The following AUTS2 variants were observed in gnomAD, a reference collection of about 807,000 sequenced individuals.
AUTS2 encodes the protein autism susceptibility gene 2 protein.
In AUTS2, 17 loss-of-function variants were observed where a neutral mutation model predicts 112.4. That is an observed-to-expected ratio of 0.15 (90% CI 0.10 to 0.23). The LOEUF is 0.23. Among genes scored for constraint, AUTS2 ranks in the 10% least tolerant of loss-of-function variants. AUTS2 has a pLI of 1.00. For synonymous variants in AUTS2, 751 were observed against 702.7 expected, an observed-to-expected ratio of 1.07 and a Z score of -1.09; for missense variants, 1,510 against 1,701.6, an observed-to-expected ratio of 0.89 and a Z score of 1.98.
intron 1 of AUTS2, among the ~76,000 whole-genome samples, chr7:69,686,843 C>T (rs1797085888): frequency 6.6e-6 from 1 of 152,164 alleles, no homozygotes; most frequent in Non-Finnish European, 1.5e-5. Context: ...TTAGGTGGGA[C>T]AGAAGCTCCT....
chr7:69,816,299 C>A (rs1375353639), intron 1 of AUTS2, among the ~76,000 whole-genome samples: 1 of 152,212 alleles, frequency 6.6e-6, no homozygotes, highest in Non-Finnish European at 1.5e-5. Context: ...ATTCCGTTCT[C>A]CCCAGACGGA....
chr7:70,791,633 G>A lies in AUTS2; in HGVS notation c.*637G>A, dbSNP rs1397181009. The A allele has an allele frequency of 1.3e-5, 2 of 152,536 alleles. No individual in the cohort carries two copies. Among genetic ancestry groups the A allele is most frequent in the Non-Finnish European group, 2.9e-5 (2 of 68,040 alleles). 9.4% of individuals were successfully genotyped at this position (152,536 alleles called of 1,614,324 possible). On this transcript the variant is annotated 3_prime_UTR_variant, in exon 19 of 19. Transcript: ENST00000342771. ...ATGTTCGGGCTTTTCACAAAAGCCC[G>A]CCTAACTCAAAGGAGCCTTTTCAAA...
chr7:70,149,758 G>A (rs1019391216), intron 4 of AUTS2, among the ~76,000 whole-genome samples: 7 of 151,924 alleles, frequency 4.6e-5, no homozygotes, highest in African/African-American at 1.7e-4. Context: ...ATGAATATCT[G>A]TTAATTAATT....
chr7:69,910,039 A>G (rs968752838), intron 2 of AUTS2, among the ~76,000 whole-genome samples: 3 of 152,152 alleles, frequency 2.0e-5, no homozygotes, highest in African/African-American at 7.2e-5. Context: ...GTTGCATGGT[A>G]CTTTGTGAAA....
At position 70,306,789 on chromosome 7, in the gene AUTS2, G is replaced by A. The variant is rs190048397; in HGVS notation, c.661-128963G>A. 2.1e-3 allele frequency among the ~76,000 whole-genome samples: 322 copies of A among 152,254 alleles called. 3 individuals carry two copies. Among genetic ancestry groups the A allele is most frequent in the South Asian group, 4.6e-3 (22 of 4,826 alleles). ...GTGCCTGGCCACCAGGTCCGTAATC[G>A]CTGGAGGTTTGATTAGATATTGAGA... On this transcript the variant is annotated intron_variant, in intron 4 of 18. Coordinates refer to ENST00000342771, the MANE Select transcript of AUTS2 (RefSeq NM_015570.4).
intron 2 of AUTS2, among the ~76,000 whole-genome samples, chr7:70,032,602 G>A (rs1800831536): frequency 6.6e-6 from 1 of 152,056 alleles, no homozygotes; most frequent in Middle Eastern, 3.2e-3. Flanking sequence ...GGCTTCCTGT[G>A]GACCCTTTAA....
Position 70,040,956 on chromosome 7 carries a change from T to A in AUTS2, c.523-77176T>A, listed in dbSNP as rs1003441367. On this transcript the variant is annotated intron_variant, in intron 2 of 18. Coordinates refer to ENST00000342771, the MANE Select transcript of AUTS2 (RefSeq NM_015570.4). The stretch of plus-strand genomic sequence containing the variant: ...CAGTAGATATCTATACTAACTTGAT[T>A]GTAAACATTAAGTTTACATGGGATT... 2.0e-5 allele frequency among the ~76,000 whole-genome samples: 3 copies of A among 152,258 alleles called. No homozygotes were observed. The South Asian group carries it at 6.2e-4, about 31-fold the overall frequency.
chr7:69,610,630 A>G (rs1274547004), intron 1 of AUTS2, among the ~76,000 whole-genome samples: 1 of 152,144 alleles, frequency 6.6e-6, no homozygotes, highest in Non-Finnish European at 1.5e-5. Context: ...TTCAGGTTTT[A>G]TACCTCACTT....
At chr7:70,387,237 C>G (rs1262626401) in intron 4 of AUTS2, among the ~76,000 whole-genome samples, 2 of 152,216 alleles carry the variant, frequency 1.3e-5, no homozygotes, top group African/African-American at 4.8e-5. Flanking sequence ...AGCCATGACT[C>G]TGCTCCCGTT....
At chr7:69,870,773 A>G (rs1011772065) in intron 1 of AUTS2, among the ~76,000 whole-genome samples, 2 of 152,064 alleles carry the variant, frequency 1.3e-5, no homozygotes, top group African/African-American at 4.8e-5. Flanking sequence ...GTGGTAAAAT[A>G]TAAAATATTT....
chr7:70,642,399 T>C (rs1805884224), intron 5 of AUTS2, among the ~76,000 whole-genome samples: 1 of 146,266 alleles, frequency 6.8e-6, no homozygotes, highest in African/African-American at 2.5e-5. Flanking sequence ...CTATCCTTCG[T>C]GCACAGATAT....
chr7:70,116,958 G>A (rs766728496), intron 2 of AUTS2, among the ~76,000 whole-genome samples: 2 of 152,124 alleles, frequency 1.3e-5, no homozygotes, highest in African/African-American at 2.4e-5. Flanking sequence ...TGATGATATT[G>A]TAGACTAGTA....
intron 4 of AUTS2, among the ~76,000 whole-genome samples, chr7:70,426,771 C>T (rs1336034520): frequency 2.6e-5 from 4 of 151,870 alleles, no homozygotes; most frequent in Non-Finnish European, 1.5e-5. Flanking sequence ...TTTTAGCTAG[C>T]TCATATCACT....
intron 4 of AUTS2, among the ~76,000 whole-genome samples, chr7:70,330,791 A>G (rs1790710430): frequency 6.6e-6 from 1 of 152,142 alleles, no homozygotes; most frequent in Non-Finnish European, 1.5e-5. Flanking sequence ...AGTCTTTTAA[A>G]ATTTCTTTTA....
chr7:70,489,585 ACT>A (rs1277585703), intron 5 of AUTS2, among the ~76,000 whole-genome samples: 1 of 152,216 alleles, frequency 6.6e-6, no homozygotes, highest in Non-Finnish European at 1.5e-5. Context: ...TACTTGGGTA[ACT>A]CTAATTCAGT....
At chr7:69,795,471 G>T (rs1464971374) in intron 1 of AUTS2, among the ~76,000 whole-genome samples, 1 of 152,168 alleles carries the variant, frequency 6.6e-6, no homozygotes, top group Non-Finnish European at 1.5e-5. Flanking sequence ...CTTGAGGCCA[G>T]GAGTTTGAGA....
chr7:70,366,220 C>T (rs1237390070), intron 4 of AUTS2, among the ~76,000 whole-genome samples: 1 of 152,132 alleles, frequency 6.6e-6, no homozygotes, highest in East Asian at 1.9e-4. Flanking sequence ...CCACTTGAAA[C>T]CTCCTTCTCT....
At chr7:69,918,211 ATGAATTTTAGAGG>A (rs1795668961) in intron 2 of AUTS2, among the ~76,000 whole-genome samples, 1 of 152,188 alleles carries the variant, frequency 6.6e-6, no homozygotes, top group African/African-American at 2.4e-5. Context: ...GGAAAGGAAA[ATGAATTTTAGAGG>A]ACCAGTCTTT....
intron 6 of AUTS2, among the ~76,000 whole-genome samples, chr7:70,759,833 C>T (rs1368933207): frequency 6.6e-6 from 1 of 152,106 alleles, no homozygotes; most frequent in Admixed American, 6.5e-5. Context: ...CCTTATGTGT[C>T]TCTGATGTGC....
Sources: allele counts gnomAD v4.1 joint callset (sites outside exome capture counted in the v4.1 genomes callset), GRCh38; gene constraint gnomAD v4.1.1; transcripts MANE v1.5; gene names NCBI Gene and HGNC (gene_info 2026-07-23, HGNC 2026-07-21).